SPIDR: variants seen among roughly 807,000 people sequenced by gnomAD.
SPIDR encodes the protein DNA repair-scaffolding protein.
Under a neutral mutation model 104.6 loss-of-function variants are expected in SPIDR, and 93 were observed. The ratio of observed to expected loss-of-function variants is 0.89; its 90% CI spans 0.75 to 1.06. The LOEUF is 1.06. Among genes scored for constraint, SPIDR ranks in the 50% least tolerant of loss-of-function variants. The probability of loss-of-function intolerance (pLI) is 0.00; values close to 1 mark genes in which losing one functional copy is unlikely to be tolerated. For synonymous variants in SPIDR, 431 were observed against 416.9 expected (o/e 1.03, Z -0.41); for missense variants, 1,154 against 1,111.2 (o/e 1.04, Z -0.55).
At chr8:47,398,729 T>C (rs945977150) in intron 6 of SPIDR, among the ~76,000 whole-genome samples, 1 of 152,180 alleles carries the variant, frequency 6.6e-6, no homozygotes, top group African/African-American at 2.4e-5. Context: ...TTTTGAAGCA[T>C]GAGCTAGGTC....
chr8:47,720,758 C>T (rs984386857), intron 16 of SPIDR, among the ~76,000 whole-genome samples: 2 of 149,520 alleles, frequency 1.3e-5, no homozygotes, highest in South Asian at 4.2e-4. Context: ...TCTTTTCATA[C>T]TTTTTTTTTT....
chr8:47,460,805 G>A (rs1202059328), intron 8 of SPIDR, among the ~76,000 whole-genome samples: 1 of 152,176 alleles, frequency 6.6e-6, no homozygotes, highest in Non-Finnish European at 1.5e-5. Flanking sequence ...TCCAGGATTT[G>A]TTTCAAGATT....
intron 16 of SPIDR, among the ~76,000 whole-genome samples, chr8:47,716,040 C>G (rs1473148214): frequency 6.7e-6 from 1 of 149,996 alleles, no homozygotes; most frequent in South Asian, 2.1e-4. Flanking sequence ...TCTCAGCTCA[C>G]TGCAACCTCT....
At chr8:47,706,181 A>G (rs531507029) in intron 14 of SPIDR, among the ~76,000 whole-genome samples, 4 of 152,178 alleles carry the variant, frequency 2.6e-5, no homozygotes, top group Middle Eastern at 3.4e-3. Flanking sequence ...TCACAAGGTC[A>G]GGAGATTGAG....
intron 16 of SPIDR, among the ~76,000 whole-genome samples, chr8:47,714,270 G>A (rs2082268396): frequency 6.6e-6 from 1 of 152,168 alleles, no homozygotes. Context: ...GGCAGGTTGA[G>A]CGATGAATTG....
In SPIDR at chr8:47,293,948, G is replaced by A. The variant is rs2040386308; in HGVS notation, c.443G>A (p.Gly148Asp). ...TGTGATGAATTTGAAGATGACGAGG[G>A]TGCTGTGGAAATCTCAGACTGTGCT... ...SDCDEFEDDE[G>D]AVEISDCASC... Residue 148 changes from glycine (G) to aspartate (D), a missense_variant, in exon 5 of 20, where the codon GGT becomes GAT. Gly to Asp is a moderately conservative substitution (Grantham distance 94). Transcript: ENST00000297423. 6.2e-7 allele frequency: 1 copy of A among 1,614,136 alleles called. No individual in the cohort carries two copies. Among genetic ancestry groups the A allele is most frequent in the Non-Finnish European group, 8.5e-7 (1 of 1,180,022 alleles).
At chr8:47,298,345 T>C (rs1327130520) in intron 5 of SPIDR, among the ~76,000 whole-genome samples, 3 of 152,222 alleles carry the variant, frequency 2.0e-5, no homozygotes, top group African/African-American at 7.2e-5. Flanking sequence ...TTGTAGATTC[T>C]GGATATTAGC....
intron 8 of SPIDR, among the ~76,000 whole-genome samples, chr8:47,495,353 A>G (rs886273846): frequency 9.2e-5 from 14 of 151,762 alleles, no homozygotes; most frequent in Middle Eastern, 3.2e-3. Context: ...GATGTATAAA[A>G]CAGGTATATG....
At chr8:47,619,879 C>T (rs1038780828) in intron 10 of SPIDR, among the ~76,000 whole-genome samples, 1 of 152,020 alleles carries the variant, frequency 6.6e-6, no homozygotes, top group Non-Finnish European at 1.5e-5. Context: ...TATTCTATTT[C>T]CCCCACCGTG....
At chr8:47,599,437 G>A (rs945417739) in intron 10 of SPIDR, among the ~76,000 whole-genome samples, 11 of 152,050 alleles carry the variant, frequency 7.2e-5, no homozygotes, top group African/African-American at 2.7e-4. Context: ...ACCTTTAATG[G>A]TTCATGTTCT....
chr8:47,408,958 C>T (rs1040809951), intron 7 of SPIDR, among the ~76,000 whole-genome samples: 12 of 152,144 alleles, frequency 7.9e-5, no homozygotes, highest in Non-Finnish European at 1.5e-4. Flanking sequence ...GAGGCTGAGG[C>T]GGGCAGATCA....
At chr8:47,654,639 C>A (rs2072362711) in intron 10 of SPIDR, among the ~76,000 whole-genome samples, 2 of 152,094 alleles carry the variant, frequency 1.3e-5, no homozygotes, top group African/African-American at 4.8e-5. Context: ...CTGGTTGATC[C>A]TCTTGAGAAG....
chr8:47,659,001 C>T (rs930013098), intron 10 of SPIDR, among the ~76,000 whole-genome samples: 30 of 150,994 alleles, frequency 2.0e-4, no homozygotes, highest in Admixed American at 1.8e-3. Flanking sequence ...CTTACACTTA[C>T]AGTCCCAGCA....
intron 3 of SPIDR, among the ~76,000 whole-genome samples, chr8:47,285,440 A>G (rs2038651663): frequency 6.6e-6 from 1 of 152,348 alleles, no homozygotes; most frequent in East Asian, 1.9e-4. Flanking sequence ...TTAGGCACAC[A>G]TTACAAAAGC....
rs72295566 is a variant in SPIDR, at chr8:47,582,827, TACACACACACACACACACAC to T, written c.1098-12960_1098-12941del. 2.3e-3 allele frequency among the ~76,000 whole-genome samples: 301 copies of T among 130,266 alleles called. 2 individuals carry two copies. The highest frequency in any genetic ancestry group is 2.2e-3 in the Non-Finnish European group (129 of 59,698). The allele number at this position is 130,266 out of a possible 152,430, so 85.5% of individuals were successfully genotyped here. On this transcript the variant is annotated intron_variant, in intron 8 of 19. Coordinates refer to ENST00000297423, the MANE Select transcript of SPIDR (RefSeq NM_001080394.4). ...ACTCCATTAAACAACAACAACAAATTACACACACACACACACACACACACACACACACACACACACACATA... is the reference window on the plus strand; with the variant it reads ...ACTCCATTAAACAACAACAACAAATTACACACACACACACACACACACATA...
At chr8:47,656,103 C>A (rs896070824) in intron 10 of SPIDR, among the ~76,000 whole-genome samples, 1 of 152,134 alleles carries the variant, frequency 6.6e-6, no homozygotes. Flanking sequence ...AACTAAATTT[C>A]TCAGAAGATA....
intron 10 of SPIDR, among the ~76,000 whole-genome samples, chr8:47,658,756 G>A (rs777319400): frequency 4.6e-5 from 7 of 150,694 alleles, no homozygotes; most frequent in Admixed American, 1.3e-4. Context: ...CCAACGTAGC[G>A]AAACCCCATC....
intron 5 of SPIDR, among the ~76,000 whole-genome samples, chr8:47,335,586 G>T (rs2049540904): frequency 1.3e-5 from 2 of 152,304 alleles, no homozygotes; most frequent in Admixed American, 6.5e-5. Flanking sequence ...GAGTAGCTAG[G>T]ATTACAGGTG....
intron 10 of SPIDR, among the ~76,000 whole-genome samples, chr8:47,600,788 A>G (rs2062179451): frequency 6.6e-6 from 1 of 152,192 alleles, no homozygotes; most frequent in South Asian, 2.1e-4. Context: ...GATACTAGTT[A>G]CCTTGGCAAT....
Sources: gnomAD v4.1 joint callset for allele counts (sites outside exome capture counted in the v4.1 genomes callset) on GRCh38, gnomAD v4.1.1 for gene constraint, MANE v1.5 for transcripts, NCBI Gene and HGNC (gene_info 2026-07-23, HGNC 2026-07-21) for gene names.